Variants in CTDP1 observed in about 807,000 individuals in gnomAD.
The protein encoded by CTDP1 is RNA polymerase II subunit A C-terminal domain phosphatase.
In CTDP1, 47 loss-of-function variants were observed where a neutral mutation model predicts 91.8. That is an observed-to-expected ratio of 0.51 (90% CI 0.41 to 0.65). The LOEUF is 0.65. Ranked by LOEUF, CTDP1 falls within the 30% of genes least tolerant of loss-of-function variation. The pLI is 0.00. For missense variants in CTDP1, 1,272 were observed against 1,373.7 expected (o/e 0.93, Z 1.17); for synonymous variants, 656 against 598.5 (o/e 1.10, Z -1.40).
chr18:79,736,514 G>C lies in CTDP1; in HGVS notation c.2740G>C (p.Gly914Arg). 6.5e-7 allele frequency: 1 copy of C among 1,543,380 alleles called. No homozygotes were observed. The highest frequency in any genetic ancestry group is 8.7e-7 in the Non-Finnish European group (1 of 1,143,370). Residue 914 changes from glycine (G) to arginine (R), a missense_variant, in exon 12 of 13, where the codon GGG becomes CGG. Coordinates refer to ENST00000613122, the MANE Select transcript of CTDP1 (RefSeq NM_004715.5). ...SSERSAAGGR[G>R]PRGHKRKLNE... Reference sequence around the variant, plus strand: ...CGAGAGGAGCGCGGCAGGGGGCCGGGGGCCCAGGTGAGTGCGGGGTCTGAG... The same window carrying C: ...CGAGAGGAGCGCGGCAGGGGGCCGGCGGCCCAGGTGAGTGCGGGGTCTGAG...
chr18:79,710,510 T>G, intron 6 of CTDP1, 74 bp downstream of exon 6: 1 of 1,160,954 alleles, frequency 8.6e-7, no homozygotes, highest in Non-Finnish European at 1.3e-6. Flanking sequence ...TCTTGAAATT[T>G]AGAGCAGTAT....
At chr18:79,738,124 TC>T (rs2086704164) in intron 12 of CTDP1, among the ~76,000 whole-genome samples, 1 of 151,958 alleles carries the variant, frequency 6.6e-6, no homozygotes, top group Admixed American at 6.6e-5. Flanking sequence ...CCCAGAAGCT[TC>T]CTGAGAAAGC....
chr18:79,735,323 G>A (rs1039051502), intron 11 of CTDP1, among the ~76,000 whole-genome samples: 2 of 152,212 alleles, frequency 1.3e-5, no homozygotes, highest in African/African-American at 2.4e-5. Context: ...CTGGGGGACT[G>A]TGGTCAGGCC....
At chr18:79,685,676 T>A (rs1408966657) in intron 1 of CTDP1, 1 of 152,224 alleles carries the variant, frequency 6.6e-6, no homozygotes, top group African/African-American at 2.4e-5. Flanking sequence ...TAGAATAGGC[T>A]GCAACCTAAG....
At chr18:79,711,768 G>C (rs953017411) in intron 6 of CTDP1, among the ~76,000 whole-genome samples, 7 of 152,188 alleles carry the variant, frequency 4.6e-5, no homozygotes, top group Non-Finnish European at 1.0e-4. Flanking sequence ...CAGCTCCTCT[G>C]AGCCTTTTTG....
intron 4 of CTDP1, among the ~76,000 whole-genome samples, chr18:79,700,662 G>T (rs1477029724): frequency 6.6e-6 from 1 of 152,258 alleles, no homozygotes; most frequent in African/African-American, 2.4e-5. Flanking sequence ...TGGAGAAACT[G>T]CGGCAAGTTC....
chr18:79,727,990 C>T (rs950466035), intron 10 of CTDP1, among the ~76,000 whole-genome samples: 4 of 152,186 alleles, frequency 2.6e-5, no homozygotes, highest in South Asian at 2.1e-4. Context: ...AACGGAGCTG[C>T]GGTTTGAACA....
At chr18:79,715,943 C>A (rs182865867) in intron 8 of CTDP1, among the ~76,000 whole-genome samples, 1 of 152,294 alleles carries the variant, frequency 6.6e-6, no homozygotes, top group African/African-American at 2.4e-5. Context: ...CAGAAGGACA[C>A]GTTGTGGCTG....
At chr18:79,680,544 C>T (rs894814424) in intron 1 of CTDP1, among the ~76,000 whole-genome samples, 4 of 152,242 alleles carry the variant, frequency 2.6e-5, no homozygotes, top group Admixed American at 6.5e-5. Flanking sequence ...GTGATAGTCC[C>T]CGCCCCTTCC....
At chr18:79,705,538 C>T (rs1235834392) in intron 5 of CTDP1, among the ~76,000 whole-genome samples, 6 of 151,698 alleles carry the variant, frequency 4.0e-5, no homozygotes, top group Non-Finnish European at 8.8e-5. Context: ...GTCTGTTCCA[C>T]GTGGACGAAG....
intron 12 of CTDP1, among the ~76,000 whole-genome samples, chr18:79,751,846 T>C (rs2087009729): frequency 6.6e-6 from 1 of 152,220 alleles, no homozygotes; most frequent in Non-Finnish European, 1.5e-5. Flanking sequence ...GTATCTACGT[T>C]AGCTAAGAAA....
Position 79,679,968 on chromosome 18 carries a change from T to C in CTDP1, c.21T>C (p.Gly7=). 2 of 1,377,082 alleles carry C rather than the reference T, an allele frequency of 1.5e-6. No individual in the cohort carries two copies. The highest frequency in any genetic ancestry group is 3.0e-5 in the South Asian group (2 of 66,762). The allele number at this position is 1,377,082 out of a possible 1,614,324, so 85.3% of individuals were successfully genotyped here. The stretch of plus-strand genomic sequence containing the variant: ...CCGCGATGGAGGTGCCGGCCGCGGG[T>C]CGCGTTCCTGCCGAGGGCGCCCCGA... The part of the protein sequence containing the change: MEVPAA[G]RVPAEGAPTA... The change falls in exon 1 of 13, where the codon GGT becomes GGC. Residue 7 remains glycine, a synonymous_variant. Coordinates refer to ENST00000613122, the MANE Select transcript of CTDP1 (RefSeq NM_004715.5).
intron 4 of CTDP1, among the ~76,000 whole-genome samples, chr18:79,701,281 CG>C (rs1477630459): frequency 4.6e-5 from 7 of 152,014 alleles, no homozygotes; most frequent in African/African-American, 1.7e-4. Flanking sequence ...GAGGACAAGG[CG>C]GGTGGATCAC....
intron 5 of CTDP1, among the ~76,000 whole-genome samples, chr18:79,709,925 C>G (rs1016284819): frequency 6.6e-6 from 1 of 152,180 alleles, no homozygotes; most frequent in African/African-American, 2.4e-5. Flanking sequence ...TAGGAAAGAT[C>G]ATATCCGAGG....
chr18:79,708,064 C>T (rs1568188882), intron 5 of CTDP1, among the ~76,000 whole-genome samples: 3 of 152,032 alleles, frequency 2.0e-5, no homozygotes, highest in Non-Finnish European at 2.9e-5. Context: ...TCCTTTAAGC[C>T]CAAGTATCTT....
At chr18:79,695,811 C>T (rs1306103025) in intron 2 of CTDP1, among the ~76,000 whole-genome samples, 166 bp from the exon 3 acceptor site, 4 of 152,208 alleles carry the variant, frequency 2.6e-5, no homozygotes, top group African/African-American at 9.7e-5. Context: ...ACCAGTTTTC[C>T]TGTCTGTGGA....
Position 79,753,999 on chromosome 18 carries a change from G to C in CTDP1, c.*209G>C. 1.4e-6 allele frequency: 1 copy of C among 707,000 alleles called. No homozygotes were observed. The highest frequency in any genetic ancestry group is 2.9e-5 in the East Asian group (1 of 34,310). 43.8% of individuals were successfully genotyped at this position (707,000 alleles called of 1,614,324 possible). A position where few individuals can be genotyped will look rare whatever the true frequency, so the allele number is the denominator to read the frequency against. On this transcript the variant is annotated 3_prime_UTR_variant, in exon 13 of 13. Coordinates refer to ENST00000613122, the MANE Select transcript of CTDP1 (RefSeq NM_004715.5). ...GAATGTCTACTTTTGTAAGTGACAGGTGTTAAAGGCCCAGGTGTGCTGTGC... is the reference window on the plus strand; with the variant it reads ...GAATGTCTACTTTTGTAAGTGACAGCTGTTAAAGGCCCAGGTGTGCTGTGC...
intron 12 of CTDP1, among the ~76,000 whole-genome samples, chr18:79,742,957 A>C (rs949805974): frequency 3.3e-5 from 5 of 152,238 alleles, no homozygotes; most frequent in Non-Finnish European, 7.3e-5. Flanking sequence ...CCCTGTCACA[A>C]AACGAAATAA....
intron 3 of CTDP1, among the ~76,000 whole-genome samples, chr18:79,696,501 C>T (rs969796249): frequency 6.7e-6 from 1 of 150,040 alleles, no homozygotes; most frequent in African/African-American, 2.5e-5. Flanking sequence ...CAGATAATGG[C>T]GAGGAGTCGG....
Sources: gnomAD v4.1 joint callset for allele counts (sites outside exome capture counted in the v4.1 genomes callset) on GRCh38, gnomAD v4.1.1 for gene constraint, MANE v1.5 for transcripts, NCBI Gene and HGNC (gene_info 2026-07-23, HGNC 2026-07-21) for gene names.